The following CACNA1E variants were observed in gnomAD, a reference collection of about 807,000 sequenced individuals.
CACNA1E encodes calcium voltage-gated channel subunit alpha1 E, also known as voltage-dependent R-type calcium channel subunit alpha-1E.
Under a neutral mutation model 259.2 loss-of-function variants are expected in CACNA1E, and 40 were observed. That is an observed-to-expected ratio of 0.15 (90% CI 0.12 to 0.20). The LOEUF is 0.20. Ranked by LOEUF, CACNA1E falls within the 10% of genes least tolerant of loss-of-function variation. The pLI, the probability that CACNA1E is intolerant of heterozygous loss-of-function variation, is 1.00. For missense variants in CACNA1E, 1,874 were observed against 3,040.1 expected, an observed-to-expected ratio of 0.62 and a Z score of 9.02; for synonymous variants, 1,104 against 1,138.5, an observed-to-expected ratio of 0.97 and a Z score of 0.61.
At chr1:181,723,324 T>C (rs547522486) in intron 16 of CACNA1E, among the ~76,000 whole-genome samples, 38 of 152,258 alleles carry the variant, frequency 2.5e-4, no homozygotes, top group African/African-American at 8.9e-4. Flanking sequence ...TCCCTACACA[T>C]CTCGTTCAGT....
chr1:181,322,608 A>G (rs1372197072), intron 1 of CACNA1E, among the ~76,000 whole-genome samples: 1 of 152,190 alleles, frequency 6.6e-6, no homozygotes, highest in African/African-American at 2.4e-5. Flanking sequence ...TGAGGATTCA[A>G]GAAGGTTCTA....
chr1:181,756,891 C>G (rs1156759734), intron 29 of CACNA1E, 34 bp from the exon 30 acceptor site: 1 of 1,397,746 alleles, frequency 7.2e-7, no homozygotes, highest in Non-Finnish European at 1.0e-6. Flanking sequence ...AGACTGTCAT[C>G]CACCATCTGT....
intron 1 of CACNA1E, among the ~76,000 whole-genome samples, chr1:181,342,207 C>T (rs377646626): frequency 6.6e-6 from 1 of 152,262 alleles, no homozygotes; most frequent in African/African-American, 2.4e-5. Context: ...GTTCCAGAGG[C>T]TGGTGAGGCA....
intron 39 of CACNA1E, among the ~76,000 whole-genome samples, chr1:181,782,438 C>T (rs192830744): frequency 5.9e-5 from 9 of 152,292 alleles, no homozygotes; most frequent in Non-Finnish European, 8.8e-5. Flanking sequence ...CTCTGGAGCT[C>T]TTTCATTCAC....
At chr1:181,662,266 C>T (rs541898263) in intron 7 of CACNA1E, among the ~76,000 whole-genome samples, 7 of 152,288 alleles carry the variant, frequency 4.6e-5, no homozygotes, top group South Asian at 2.1e-4. Flanking sequence ...CTCTAAGTGT[C>T]GTTTGTGCCT....
At chr1:181,463,270 A>C (rs1348912443) in intron 2 of CACNA1E, among the ~76,000 whole-genome samples, 1 of 152,182 alleles carries the variant, frequency 6.6e-6, no homozygotes, top group Non-Finnish European at 1.5e-5. Context: ...AAAGCTATTC[A>C]CATAACTTAT....
At chr1:181,614,716 T>A (rs546088720) in intron 6 of CACNA1E, among the ~76,000 whole-genome samples, 3 of 152,240 alleles carry the variant, frequency 2.0e-5, no homozygotes, top group Non-Finnish European at 4.4e-5. Context: ...AGTCTGTAAA[T>A]GTGTGGATAA....
At chr1:181,606,188 A>C (rs1431379322) in intron 6 of CACNA1E, among the ~76,000 whole-genome samples, 1 of 151,978 alleles carries the variant, frequency 6.6e-6, no homozygotes, top group Non-Finnish European at 1.5e-5. Flanking sequence ...CTCTCTTCTG[A>C]GCTCCAGACT....
chr1:181,737,631 C>G lies in CACNA1E; in HGVS notation c.3529C>G (p.Leu1177Val). The G allele has an allele frequency of 6.2e-7, 1 of 1,614,018 alleles. No individual in the cohort carries two copies. The highest frequency in any genetic ancestry group is 8.5e-7 in the Non-Finnish European group (1 of 1,179,876). Reference protein sequence around the residue: ...SIALAAEDPVLTNSERNKVLR... With the variant: ...SIALAAEDPVVTNSERNKVLR... Reference sequence around the variant, plus strand: ...CGCCCTGGCGGCAGAGGACCCCGTCCTGACCAACTCGGAGCGCAACAAAGT... The same window carrying G: ...CGCCCTGGCGGCAGAGGACCCCGTCGTGACCAACTCGGAGCGCAACAAAGT... Residue 1177 changes from leucine to valine, a missense_variant, in exon 23 of 48, where the codon CTG (leucine) becomes GTG (valine). By Grantham distance (32) the Leu-to-Val change is conservative. Coordinates refer to ENST00000367573, the MANE Select transcript of CACNA1E (RefSeq NM_001205293.3).
intron 6 of CACNA1E, among the ~76,000 whole-genome samples, chr1:181,594,630 G>T (rs1316226680): frequency 1.3e-5 from 2 of 152,098 alleles, no homozygotes; most frequent in African/African-American, 4.8e-5. Flanking sequence ...ACTCCTGACT[G>T]CAAGTGATCC....
intron 7 of CACNA1E, among the ~76,000 whole-genome samples, chr1:181,664,638 T>G (rs1648031238): frequency 6.6e-6 from 1 of 152,112 alleles, no homozygotes; most frequent in African/African-American, 2.4e-5. Flanking sequence ...CTTTCAAAAA[T>G]TAATCTCTAG....
At chr1:181,583,541 C>T (rs1440571960) in intron 6 of CACNA1E, among the ~76,000 whole-genome samples, 1 of 152,218 alleles carries the variant, frequency 6.6e-6, no homozygotes. Context: ...AGCATGTGGG[C>T]TCAGTTTAAC....
chr1:181,529,695 G>C (rs907419052), intron 3 of CACNA1E, among the ~76,000 whole-genome samples: 5 of 152,180 alleles, frequency 3.3e-5, no homozygotes, highest in Non-Finnish European at 7.4e-5. Flanking sequence ...TTTAAAATTT[G>C]ACTGCCCCAC....
chr1:181,572,215 G>C (rs1486769952), intron 3 of CACNA1E, among the ~76,000 whole-genome samples: 1 of 152,130 alleles, frequency 6.6e-6, no homozygotes, highest in Non-Finnish European at 1.5e-5. Flanking sequence ...AGTTCAAAGG[G>C]AATGCAAGGT....
At chr1:181,445,983 G>A (rs16857353) in intron 2 of CACNA1E, among the ~76,000 whole-genome samples, 57,507 of 152,118 alleles carry the variant, frequency 0.38, 11,397 homozygotes, top group African/African-American at 0.5. Flanking sequence ...ATGTAAGGGT[G>A]AATGCATGTT....
chr1:181,748,665 A>T (rs1044479630), intron 25 of CACNA1E, among the ~76,000 whole-genome samples: 16 of 152,236 alleles, frequency 1.1e-4, no homozygotes, highest in Non-Finnish European at 7.3e-5. Context: ...CTTAAGACAA[A>T]TGTAGCCTGG....
chr1:181,693,850 C>T (rs1651445362), intron 7 of CACNA1E, among the ~76,000 whole-genome samples: 1 of 152,100 alleles, frequency 6.6e-6, no homozygotes, highest in Non-Finnish European at 1.5e-5. Context: ...TCTAAATAAA[C>T]ACAGATCTGT....
At chr1:181,502,147 A>G (rs1572034759) in intron 1 of CACNA1E, among the ~76,000 whole-genome samples, 1 of 152,132 alleles carries the variant, frequency 6.6e-6, no homozygotes, top group East Asian at 1.9e-4. Flanking sequence ...AGAGTTGTAC[A>G]CTGCTAACTG....
In CACNA1E at chr1:181,484,136, A is replaced by G. The variant is rs539853123; in HGVS notation, c.266+126A>G. 4 of 930,442 alleles carry G rather than the reference A, an allele frequency of 4.3e-6. No individual in the cohort carries two copies. In the Admixed American group the frequency reaches 7.7e-5, roughly 18 times the overall value. The allele number at this position is 930,442 out of a possible 1,614,324, so 57.6% of individuals were successfully genotyped here. A position where few individuals can be genotyped will look rare whatever the true frequency, so the allele number is the denominator to read the frequency against. On this transcript the variant is annotated intron_variant, in intron 1 of 47. Transcript: ENST00000367573. ...CCAATTTGCCCCTTTGCTGAAGCAC[A>G]CTCTTCGGTGCATCTAAGGGGCAAG...
Sources: gnomAD v4.1 joint callset for allele counts (sites outside exome capture counted in the v4.1 genomes callset) on GRCh38, gnomAD v4.1.1 for gene constraint, MANE v1.5 for transcripts, NCBI Gene and HGNC (gene_info 2026-07-23, HGNC 2026-07-21) for gene names.